Variants in MICAL2 observed in about 807,000 individuals in gnomAD.
MICAL2 encodes [F-actin]-monooxygenase MICAL2.
MICAL2 carries 77 observed loss-of-function variants against 127.3 expected under a neutral mutation model. The ratio of observed to expected loss-of-function variants is 0.60; its 90% CI spans 0.50 to 0.73. MICAL2 has a LOEUF of 0.73. Among genes scored for constraint, MICAL2 ranks in the 30% least tolerant of loss-of-function variants. MICAL2 has a pLI of 0.00. For missense variants in MICAL2, 1,351 were observed against 1,434.4 expected (o/e 0.94, Z 0.94); for synonymous variants, 570 against 551.1 (o/e 1.03, Z -0.48).
At chr11:12,166,332 A>C (rs1158233773) in intron 3 of MICAL2, among the ~76,000 whole-genome samples, 1 of 152,246 alleles carries the variant, frequency 6.6e-6, no homozygotes. Context: ...GCTCATTAGC[A>C]GGTGTTTCCA....
At chr11:12,353,949 A>AAG (rs975242517) in intron 33 of MICAL2, among the ~76,000 whole-genome samples, 9 of 152,258 alleles carry the variant, frequency 5.9e-5, no homozygotes, top group African/African-American at 2.2e-4. Context: ...TTACTCCTAA[A>AAG]AGAGAGAAAA....
intron 9 of MICAL2, among the ~76,000 whole-genome samples, chr11:12,220,851 C>A (rs1856738057): frequency 6.6e-6 from 1 of 152,230 alleles, no homozygotes; most frequent in Non-Finnish European, 1.5e-5. Flanking sequence ...CAGGAGAGGC[C>A]TATGGGCCCC....
At chr11:12,290,874 G>C (rs1166455930), downstream of MICAL2, among the ~76,000 whole-genome samples, 1 of 152,132 alleles carries the variant, frequency 6.6e-6, no homozygotes, top group Non-Finnish European at 1.5e-5. Context: ...TGGGGGTGGA[G>C]GGGACTCAAT....
intron 1 of MICAL2, chr11:12,116,686 C>T (rs113945854): frequency 0.013 from 1,944 of 152,288 alleles, 33 homozygotes; most frequent in African/African-American, 0.043. Context: ...GACTCTGGCC[C>T]TCTGTTCACG....
chr11:12,289,221 ATCAGCCTCCT>A (rs1279461235), downstream of MICAL2, among the ~76,000 whole-genome samples: 1 of 152,250 alleles, frequency 6.6e-6, no homozygotes, highest in African/African-American at 2.4e-5. Context: ...TGGTGTGCGC[ATCAGCCTCCT>A]TCGCACAAAA....
At chr11:12,201,135 G>T (rs901256604) in intron 3 of MICAL2, among the ~76,000 whole-genome samples, 3 of 152,106 alleles carry the variant, frequency 2.0e-5, no homozygotes, top group South Asian at 2.1e-4. Flanking sequence ...AGCGGGGCTT[G>T]GTTCTTTCCC....
chr11:12,128,466 A>T (rs1267074393), intron 1 of MICAL2, among the ~76,000 whole-genome samples: 1 of 152,252 alleles, frequency 6.6e-6, no homozygotes, highest in Non-Finnish European at 1.5e-5. Context: ...CAGAGCTGGG[A>T]TTAATCCATG....
At chr11:12,141,672 G>A (rs991543032) in intron 2 of MICAL2, among the ~76,000 whole-genome samples, 6 of 152,182 alleles carry the variant, frequency 3.9e-5, no homozygotes, top group Non-Finnish European at 8.8e-5. Flanking sequence ...AGGTTGTTGG[G>A]ATTTTCAAGT....
chr11:12,294,827 CCTCCTCCT>C, downstream of MICAL2: 1 of 1,517,882 alleles, frequency 6.6e-7, no homozygotes, highest in Admixed American at 2.0e-5. Flanking sequence ...TCCTCCTCCT[CCTCCTCCT>C]CCTCCTACAG....
intron 15 of MICAL2, among the ~76,000 whole-genome samples, chr11:12,229,034 C>T (rs1857855458): frequency 6.6e-6 from 1 of 152,174 alleles, no homozygotes; most frequent in Non-Finnish European, 1.5e-5. Flanking sequence ...CTGCAAGTTT[C>T]TGAGTCTCTC....
upstream of MICAL2, among the ~76,000 whole-genome samples, chr11:12,273,840 A>G (rs1359628030): frequency 1.3e-5 from 2 of 152,250 alleles, no homozygotes; most frequent in African/African-American, 4.8e-5. Flanking sequence ...GAGGACTCCC[A>G]AAGTCCTGTG....
chr11:12,273,045 G>C (rs1274931437), upstream of MICAL2, among the ~76,000 whole-genome samples: 2 of 152,210 alleles, frequency 1.3e-5, no homozygotes, highest in African/African-American at 2.4e-5. Flanking sequence ...AGGGAGAAAA[G>C]AACTGGGGGC....
intron 3 of MICAL2, among the ~76,000 whole-genome samples, chr11:12,178,409 A>G (rs1857070526): frequency 6.6e-6 from 1 of 151,376 alleles, no homozygotes; most frequent in East Asian, 2.0e-4. Flanking sequence ...GGTTTTGTAC[A>G]TTTTGGAGAG....
intron 29 of MICAL2, among the ~76,000 whole-genome samples, chr11:12,304,044 T>C (rs1436214088): frequency 1.3e-5 from 2 of 152,088 alleles, no homozygotes; most frequent in Non-Finnish European, 2.9e-5. Flanking sequence ...AATAAACAAA[T>C]AAATAAAAAG....
At chr11:12,124,688 C>T (rs1299567263) in intron 1 of MICAL2, among the ~76,000 whole-genome samples, 2 of 152,182 alleles carry the variant, frequency 1.3e-5, no homozygotes, top group Non-Finnish European at 2.9e-5. Flanking sequence ...ACCCCTATCT[C>T]CACTCTACTC....
intron 32 of MICAL2, among the ~76,000 whole-genome samples, chr11:12,345,569 A>G (rs1365834520): frequency 2.6e-5 from 4 of 152,246 alleles, no homozygotes; most frequent in African/African-American, 9.6e-5. Flanking sequence ...AAAATATTCA[A>G]AAGATGTCTC....
chr11:12,114,666 T>C (rs1409085386), intron 1 of MICAL2, among the ~76,000 whole-genome samples: 1 of 152,180 alleles, frequency 6.6e-6, no homozygotes, highest in Non-Finnish European at 1.5e-5. Flanking sequence ...ACTCAGGAAA[T>C]GTGCTTTGAA....
In MICAL2 at chr11:12,241,024, G is replaced by A. The variant is rs373041192; in HGVS notation, c.2215-16G>A. 11 of 1,610,624 alleles carry A rather than the reference G, an allele frequency of 6.8e-6. No homozygotes were observed. Among genetic ancestry groups the A allele is most frequent in the African/African-American group, 6.7e-5 (5 of 74,694 alleles). On this transcript the variant is annotated splice_polypyrimidine_tract_variant and intron_variant, in intron 17 of 27. Transcript: ENST00000683283. ...CTCCTGTGGCTGCTTTTTTGGACTC[G>A]CCTTTCTTCTCCCAGGAACGCCGTG...
chr11:12,130,877 T>C (rs1415135287), intron 1 of MICAL2, among the ~76,000 whole-genome samples: 1 of 152,226 alleles, frequency 6.6e-6, no homozygotes, highest in Non-Finnish European at 1.5e-5. Context: ...TGGACCCTGA[T>C]ACTGCTGTGG....
Sources: gnomAD v4.1 joint callset for allele counts (sites outside exome capture counted in the v4.1 genomes callset) on GRCh38, gnomAD v4.1.1 for gene constraint, MANE v1.5 for transcripts, NCBI Gene and HGNC (gene_info 2026-07-23, HGNC 2026-07-21) for gene names.